The following LIPA variants were observed in gnomAD, a reference collection of about 807,000 sequenced individuals.
LIPA encodes lysosomal acid lipase/cholesteryl ester hydrolase.
A neutral mutation model predicts 40.6 loss-of-function variants in LIPA; 26 were observed. The ratio of observed to expected loss-of-function variants is 0.64; its 90% CI spans 0.47 to 0.89. The LOEUF (loss-of-function observed/expected upper bound fraction) is 0.89. Ranked by LOEUF, LIPA falls within the 40% of genes least tolerant of loss-of-function variation. The pLI, the probability that LIPA is intolerant of heterozygous loss-of-function variation, is 0.00. For synonymous variants in LIPA, 188 were observed against 168.4 expected (o/e 1.12, Z -0.90); for missense variants, 455 against 479.6 (o/e 0.95, Z 0.48).
At chr10:89,400,269 C>T (rs1196796473) in intron 2 of LIPA, among the ~76,000 whole-genome samples, 1 of 152,176 alleles carries the variant, frequency 6.6e-6, no homozygotes, top group African/African-American at 2.4e-5. Context: ...GATCCCTTGA[C>T]ATTTCATATG....
chr10:89,369,507 T>C (rs866474918), intron 2 of LIPA, among the ~76,000 whole-genome samples: 4 of 150,958 alleles, frequency 2.6e-5, no homozygotes, highest in Admixed American at 1.3e-4. Flanking sequence ...ACCAAGCCAT[T>C]GAGCTAAGTT....
At chr10:89,392,778 A>T in intron 2 of LIPA, 1 of 1,539,786 alleles carries the variant, frequency 6.5e-7, no homozygotes, top group Non-Finnish European at 9.0e-7. Flanking sequence ...TGGTAATTAA[A>T]TACTATTTCA....
upstream of LIPA, among the ~76,000 whole-genome samples, chr10:89,255,458 G>C (rs1179743721): frequency 6.6e-6 from 1 of 152,092 alleles, no homozygotes; most frequent in African/African-American, 2.4e-5. Context: ...ACAACATGTG[G>C]GCATTATGGG....
At chr10:89,327,589 C>A (rs1389045289) in intron 1 of LIPA, among the ~76,000 whole-genome samples, 1 of 151,914 alleles carries the variant, frequency 6.6e-6, no homozygotes, top group African/African-American at 2.4e-5. Flanking sequence ...AGAGTGTGTT[C>A]TATTAGTAAT....
At chr10:89,321,920 G>C in intron 1 of LIPA, among the ~76,000 whole-genome samples, 1 of 152,008 alleles carries the variant, frequency 6.6e-6, no homozygotes, top group African/African-American at 2.4e-5. Context: ...TCCTTTGTAG[G>C]GACATGGATG....
At chr10:89,398,179 G>T (rs918019407) in intron 2 of LIPA, among the ~76,000 whole-genome samples, 1 of 152,220 alleles carries the variant, frequency 6.6e-6, no homozygotes, top group African/African-American at 2.4e-5. Context: ...AGCCCTGGGG[G>T]AGAACAGCTG....
At chr10:89,404,282 C>G (rs539085622) in intron 2 of LIPA, 1 of 152,720 alleles carries the variant, frequency 6.5e-6, no homozygotes, top group Admixed American at 6.5e-5. Context: ...CTCCCCTCCC[C>G]TCTTGCGGTT....
intron 2 of LIPA, among the ~76,000 whole-genome samples, chr10:89,382,922 G>A (rs1844173938): frequency 6.6e-6 from 1 of 152,206 alleles, no homozygotes; most frequent in African/African-American, 2.4e-5. Flanking sequence ...AGATGAGTAA[G>A]GAACCCACCT....
chr10:89,306,343 T>C, intron 1 of LIPA: 13 of 1,614,088 alleles, frequency 8.1e-6, no homozygotes, highest in Non-Finnish European at 1.1e-5. Flanking sequence ...AGTTTTCCAG[T>C]CCCTATAGAA....
At position 89,305,170 on chromosome 10, in the gene LIPA, G is replaced by C. The variant is rs187628811; in HGVS notation, c.-2+37441C>G. On this transcript the variant is annotated intron_variant, in intron 1 of 5. Transcript: ENST00000282673. ...GACATTGCTAACATAAATAATACTT[G>C]AAATTAAATGAGAGAATAATACAAA... Among the ~76,000 whole-genome samples, 15 of 151,750 alleles carry C rather than the reference G, an allele frequency of 9.9e-5. No individual in the cohort carries two copies. The East Asian group carries it at 2.9e-3, about 29-fold the overall frequency.
chr10:89,302,228 G>A (rs1564780283), intron 1 of LIPA: 1 of 1,303,152 alleles, frequency 7.7e-7, no homozygotes, highest in Non-Finnish European at 1.1e-6. Context: ...CTCCATTTTA[G>A]TGTTTGTTTA....
rs145516804 is a variant in LIPA at position 89,383,636 on chromosome 10, T to C, written c.61+29155A>G. On this transcript the variant is annotated intron_variant, in intron 2 of 8. Transcript: ENST00000371837. ...AACTTTGCCTGGGTGTATTACCACA[T>C]GGGCAGATTGGCAGAAGCCCAGACT... The C allele has an allele frequency of 3.3e-5, 54 of 1,614,094 alleles. No homozygotes were observed. The Middle Eastern group carries it at 8.2e-4, about 25-fold the overall frequency.
intron 2 of LIPA, among the ~76,000 whole-genome samples, chr10:89,352,491 C>T (rs1250350063): frequency 3.3e-5 from 5 of 152,182 alleles, no homozygotes; most frequent in Admixed American, 2.6e-4. Context: ...TATTTGGACA[C>T]CTCATTCAGC....
At chr10:89,403,574 G>C (rs1844477646) in intron 2 of LIPA, 2 of 1,614,092 alleles carry the variant, frequency 1.2e-6, no homozygotes. Flanking sequence ...TTCGGAGAAA[G>C]GCATTAGATC....
rs1361001291 is a variant in LIPA at position 89,326,529 on chromosome 10, A to G, written c.-2+16082T>C. On this transcript the variant is annotated intron_variant, in intron 1 of 5. Coordinates refer to the LIPA transcript ENST00000282673. ...ATAAGATCTAGTGTTTGTTAGAACA[A>G]GAGGATGACTATAGTCAACAATAGT... 3.9e-5 allele frequency among the ~76,000 whole-genome samples: 6 copies of G among 152,374 alleles called. No individual in the cohort carries two copies. In the East Asian group the frequency reaches 9.6e-4, roughly 24 times the overall value.
At chr10:89,252,802 TCCC>T (rs113063011), upstream of LIPA, among the ~76,000 whole-genome samples, 70 of 130,198 alleles carry the variant, frequency 5.4e-4, no homozygotes, top group Middle Eastern at 0.016. Flanking sequence ...TGAGACTCCA[TCCC>T]CCAAAAAAAA....
At chr10:89,390,031 G>A (rs1844234837) in intron 2 of LIPA, among the ~76,000 whole-genome samples, 1 of 142,238 alleles carries the variant, frequency 7.0e-6, no homozygotes, top group Admixed American at 7.5e-5. Context: ...GCCCAGGCTG[G>A]AGTGCAATGA....
chr10:89,240,384 T>C (rs1365708919), intron 3 of LIPA, among the ~76,000 whole-genome samples: 1 of 152,180 alleles, frequency 6.6e-6, no homozygotes, highest in African/African-American at 2.4e-5. Flanking sequence ...TTTGAAGCTG[T>C]AGTAAGCTAT....
chr10:89,334,558 C>G (rs12259713), intron 1 of LIPA, among the ~76,000 whole-genome samples: 1 of 114,158 alleles, frequency 8.8e-6, no homozygotes, highest in Non-Finnish European at 1.6e-5. Context: ...TGTAGTGGCC[C>G]GATCTTGGCT....
Sources: gnomAD v4.1 joint callset for allele counts (sites outside exome capture counted in the v4.1 genomes callset) on GRCh38, gnomAD v4.1.1 for gene constraint, MANE v1.5 for transcripts, NCBI Gene and HGNC (gene_info 2026-07-23, HGNC 2026-07-21) for gene names.